YWHAQ: variants seen among roughly 807,000 people sequenced by gnomAD.
The protein encoded by YWHAQ is 14-3-3 protein theta.
A neutral mutation model predicts 28.3 loss-of-function variants in YWHAQ; 6 were observed. The observed-to-expected ratio is 0.21, with a 90% CI of 0.12 to 0.42. The LOEUF (loss-of-function observed/expected upper bound fraction) is 0.42, where lower values mean the gene tolerates loss of function less well. YWHAQ is among the 10% of genes least tolerant of loss of function. YWHAQ has a pLI of 1.00. For synonymous variants in YWHAQ, 143 were observed against 119.1 expected, an observed-to-expected ratio of 1.20 and a Z score of -1.31; for missense variants, 201 against 305.6, an observed-to-expected ratio of 0.66 and a Z score of 2.55.
intron 2 of YWHAQ, among the ~76,000 whole-genome samples, chr2:9,605,140 C>CTTTT (rs35332379): frequency 0.025 from 3,403 of 138,364 alleles, 95 homozygotes; most frequent in Non-Finnish European, 0.031. Flanking sequence ...TCTGTTCTCT[C>CTTTT]TTTTTTTTTT....
At chr2:9,611,846 T>C (rs907236318) in intron 2 of YWHAQ, among the ~76,000 whole-genome samples, 10 of 152,204 alleles carry the variant, frequency 6.6e-5, no homozygotes, top group African/African-American at 2.4e-4. Context: ...AATTTTCGTA[T>C]TTTTAGCAGA....
intron 2 of YWHAQ, among the ~76,000 whole-genome samples, chr2:9,600,432 T>C (rs3951115): frequency 0.6 from 90,498 of 151,934 alleles, 29,085 homozygotes; most frequent in African/African-American, 0.81. Flanking sequence ...GAGGGCCGGG[T>C]GTGGTGACTC....
chr2:9,622,170 A>G (rs1461257366), intron 2 of YWHAQ, among the ~76,000 whole-genome samples: 1 of 151,226 alleles, frequency 6.6e-6, no homozygotes, highest in Non-Finnish European at 1.5e-5. Flanking sequence ...TGTATCCCAG[A>G]ACTTAAAGTA....
At chr2:9,605,319 T>G (rs1572995935) in intron 2 of YWHAQ, among the ~76,000 whole-genome samples, 1 of 151,846 alleles carries the variant, frequency 6.6e-6, no homozygotes, top group South Asian at 2.1e-4. Context: ...TGTATTTTTT[T>G]GTAGAGATGG....
chr2:9,608,854 C>T (rs567385751), intron 2 of YWHAQ, among the ~76,000 whole-genome samples: 25 of 152,232 alleles, frequency 1.6e-4, no homozygotes, highest in Non-Finnish European at 3.2e-4. Flanking sequence ...GCAGGAAGAT[C>T]ACTTGAACCC....
chr2:9,611,269 C>A (rs1666943223), intron 2 of YWHAQ, among the ~76,000 whole-genome samples: 2 of 152,216 alleles, frequency 1.3e-5, no homozygotes, highest in Admixed American at 1.3e-4. Context: ...TCATACCACA[C>A]TTACTAAACA....
rs763241227 is a variant in YWHAQ at position 9,630,540 on chromosome 2, GA to G, written c.-82-7del. The G allele has an allele frequency of 8.7e-4, 1,147 of 1,315,722 alleles. 2 individuals carry two copies. Among genetic ancestry groups the G allele is most frequent in the Admixed American group, 2.5e-3 (88 of 34,606 alleles). The allele number at this position is 1,315,722 out of a possible 1,614,324, so 81.5% of individuals were successfully genotyped here. A position where few individuals can be genotyped will look rare whatever the true frequency, so the allele number is the denominator to read the frequency against. On this transcript the variant is annotated splice_polypyrimidine_tract_variant and splice_region_variant and intron_variant, in intron 1 of 5. Transcript: ENST00000238081. The surrounding 1 kb of genome is among the most constrained non-coding windows in gnomAD (Gnocchi z 5.6). ...AGCGGGAGGAGCCTCGAGAGCTGCG[GA>G]GGGGCGGGGCGGCGAGGCGAGAACA...
intron 2 of YWHAQ, among the ~76,000 whole-genome samples, chr2:9,622,532 T>A (rs1667161697): frequency 6.6e-6 from 1 of 152,228 alleles, no homozygotes; most frequent in Non-Finnish European, 1.5e-5. Flanking sequence ...TTTTTGTACC[T>A]ATGCGCCTTG....
chr2:9,611,734 G>A (rs751179075), intron 2 of YWHAQ, among the ~76,000 whole-genome samples: 1 of 152,004 alleles, frequency 6.6e-6, no homozygotes, highest in Non-Finnish European at 1.5e-5. Context: ...GCAGTGGTGC[G>A]ATGTCAGCTC....
intron 2 of YWHAQ, among the ~76,000 whole-genome samples, chr2:9,594,004 C>T (rs956220723): frequency 5.3e-5 from 8 of 150,910 alleles, no homozygotes; most frequent in East Asian, 1.9e-4. Flanking sequence ...CACACACGCA[C>T]GCACAAAAAA....
At position 9,585,283 on chromosome 2, in the gene YWHAQ, G is replaced by T. The variant is rs781125712; in HGVS notation, c.*3C>A. On this transcript the variant is annotated 3_prime_UTR_variant, in exon 6 of 6. Coordinates refer to ENST00000238081, the MANE Select transcript of YWHAQ (RefSeq NM_006826.4). Reference sequence around the variant, plus strand: ...GGAAAGAAGGATGACACCCTGTATGGATTTAGTTTTCAGCCCCTTCTGCCG... The same window carrying T: ...GGAAAGAAGGATGACACCCTGTATGTATTTAGTTTTCAGCCCCTTCTGCCG... The T allele has an allele frequency of 6.2e-7, 1 of 1,614,044 alleles. No individual in the cohort carries two copies. Among genetic ancestry groups the T allele is most frequent in the Non-Finnish European group, 8.5e-7 (1 of 1,179,948 alleles).
chr2:9,609,115 G>A (rs1309724307), intron 2 of YWHAQ, among the ~76,000 whole-genome samples: 1 of 152,130 alleles, frequency 6.6e-6, no homozygotes, highest in African/African-American at 2.4e-5. Flanking sequence ...AAGATGTTGA[G>A]GCTGGATACA....
intron 2 of YWHAQ, among the ~76,000 whole-genome samples, chr2:9,619,787 C>A (rs1667104760): frequency 1.3e-5 from 2 of 152,274 alleles, no homozygotes; most frequent in South Asian, 4.1e-4. Flanking sequence ...CAAACACTAG[C>A]ACTGAAGATC....
intron 2 of YWHAQ, among the ~76,000 whole-genome samples, chr2:9,612,149 A>G (rs893241461): frequency 3.3e-5 from 5 of 152,138 alleles, no homozygotes; most frequent in African/African-American, 1.2e-4. Flanking sequence ...TTGAAAATCT[A>G]TCTTCTCAGT....
intron 2 of YWHAQ, among the ~76,000 whole-genome samples, chr2:9,606,955 G>A (rs1399237891): frequency 6.6e-6 from 1 of 151,000 alleles, no homozygotes; most frequent in African/African-American, 2.4e-5. Flanking sequence ...CATAATCTTG[G>A]CTCACTGCAA....
At chr2:9,598,012 T>A (rs1357441187) in intron 2 of YWHAQ, among the ~76,000 whole-genome samples, 1 of 132,282 alleles carries the variant, frequency 7.6e-6, no homozygotes, top group African/African-American at 2.8e-5. Flanking sequence ...TTTTTTTTTT[T>A]TAGTAGAGAC....
At chr2:9,611,569 A>AC (rs1250184178) in intron 2 of YWHAQ, among the ~76,000 whole-genome samples, 5 of 151,908 alleles carry the variant, frequency 3.3e-5, no homozygotes, top group African/African-American at 9.7e-5. Context: ...TTTGGGAAAT[A>AC]CCCCCCAACA....
At chr2:9,607,166 C>G (rs1008066128) in intron 2 of YWHAQ, among the ~76,000 whole-genome samples, 2 of 151,772 alleles carry the variant, frequency 1.3e-5, no homozygotes, top group African/African-American at 2.4e-5. Context: ...CAGGCGTGAG[C>G]CACACGCCTG....
intron 2 of YWHAQ, among the ~76,000 whole-genome samples, chr2:9,612,672 G>C (rs140034648): frequency 7.9e-4 from 121 of 152,296 alleles, no homozygotes; most frequent in African/African-American, 2.8e-3. Flanking sequence ...AGTAACATAT[G>C]CAAGTATTCT....
Sources: allele counts gnomAD v4.1 joint callset (sites outside exome capture counted in the v4.1 genomes callset), GRCh38; gene constraint gnomAD v4.1.1; non-coding constraint Gnocchi (gnomAD v3.1); transcripts MANE v1.5; gene names NCBI Gene and HGNC (gene_info 2026-07-23, HGNC 2026-07-21).